Variants in FAF2 observed in about 807,000 individuals in gnomAD.
FAF2 encodes the protein FAS-associated factor 2.
In FAF2, 9 loss-of-function variants were observed where a neutral mutation model predicts 62.3. That is an observed-to-expected ratio of 0.14 (90% CI 0.09 to 0.25). The LOEUF is 0.25. Among genes scored for constraint, FAF2 ranks in the 10% least tolerant of loss-of-function variants. FAF2 has a pLI of 1.00. For missense variants in FAF2, 368 were observed against 556.2 expected (o/e 0.66, Z 3.40); for synonymous variants, 202 against 198.0 (o/e 1.02, Z -0.17).
chr5:176,473,969 A>G (rs1322889062), intron 1 of FAF2, among the ~76,000 whole-genome samples: 1 of 152,216 alleles, frequency 6.6e-6, no homozygotes, highest in African/African-American at 2.4e-5. Flanking sequence ...CCAGTCCTAG[A>G]ATCAGCCACT....
intron 10 of FAF2, among the ~76,000 whole-genome samples, chr5:176,503,632 AT>A (rs1002832681): frequency 5.3e-5 from 8 of 151,934 alleles, no homozygotes; most frequent in Non-Finnish European, 1.0e-4. Context: ...GGAGTGACAG[AT>A]TTGTAGGTAA....
Position 176,460,153 on chromosome 5 carries a change from T to C in FAF2, c.63+11683T>C, listed in dbSNP as rs138241590. Among the ~76,000 whole-genome samples the C allele has an allele frequency of 4.5e-3, 689 of 152,360 alleles. 1 individual carries two copies. Among genetic ancestry groups the C allele is most frequent in the Non-Finnish European group, 6.7e-3 (455 of 68,032 alleles). ...CACTGTTGATGGGCATCTAGGTTGA[T>C]TCCATGTCTTTGCTATCATGAATAA... On this transcript the variant is annotated intron_variant, in intron 1 of 10. Coordinates refer to ENST00000261942, the MANE Select transcript of FAF2 (RefSeq NM_014613.3).
At chr5:176,501,755 CTAACTT>C (rs1053619859) in intron 10 of FAF2, among the ~76,000 whole-genome samples, 22 of 152,068 alleles carry the variant, frequency 1.4e-4, no homozygotes. Context: ...GCTTATGTCT[CTAACTT>C]TGTTTGTTTT....
chr5:176,503,821 G>A (rs1231230576), intron 10 of FAF2, among the ~76,000 whole-genome samples: 2 of 152,110 alleles, frequency 1.3e-5, no homozygotes, highest in Non-Finnish European at 2.9e-5. Context: ...ACCTCTAGTA[G>A]TAATGTAATC....
chr5:176,450,950 A>G (rs1305477345), intron 1 of FAF2, among the ~76,000 whole-genome samples: 1 of 152,212 alleles, frequency 6.6e-6, no homozygotes. Context: ...TCATTTTTCT[A>G]TTCTATAAGC....
chr5:176,451,370 CA>C (rs1049914696), intron 1 of FAF2, among the ~76,000 whole-genome samples: 19 of 150,392 alleles, frequency 1.3e-4, no homozygotes, highest in Admixed American at 5.3e-4. Flanking sequence ...GACTCTGTCT[CA>C]AAAAAAAAAT....
chr5:176,466,977 A>G (rs1213823539), intron 1 of FAF2, among the ~76,000 whole-genome samples: 1 of 152,168 alleles, frequency 6.6e-6, no homozygotes, highest in Admixed American at 6.5e-5. Flanking sequence ...CTGTAATTAA[A>G]TGCAGTGCTC....
At chr5:176,470,835 G>A (rs1758555878) in intron 1 of FAF2, among the ~76,000 whole-genome samples, 2 of 152,324 alleles carry the variant, frequency 1.3e-5, no homozygotes, top group Admixed American at 6.5e-5. Context: ...TTAATGTGAT[G>A]AAATAGTGTT....
chr5:176,499,148 C>T, intron 9 of FAF2, 63 bp downstream of exon 9: 1 of 1,433,642 alleles, frequency 7.0e-7, no homozygotes, highest in East Asian at 2.5e-5. Flanking sequence ...CCATCTTGGT[C>T]TTAAGTGTGA....
Position 176,489,021 on chromosome 5 carries a change from T to C in FAF2, c.338T>C (p.Ile113Thr). ...FRFTYYTILDIFRFALRFIRP... is the reference protein window; with the variant it reads ...FRFTYYTILDTFRFALRFIRP... ...TTTACCTATTACACGATACTTGATATATTTAGGTATGTACCTTTGGATTTA... is the reference window on the plus strand; with the variant it reads ...TTTACCTATTACACGATACTTGATACATTTAGGTATGTACCTTTGGATTTA... Residue 113 changes from isoleucine (I) to threonine (T), a missense_variant, in exon 4 of 11, where the codon ATA becomes ACA. By Grantham distance (89) the Ile-to-Thr change is moderately conservative. Coordinates refer to ENST00000261942, the MANE Select transcript of FAF2 (RefSeq NM_014613.3). The C allele has an allele frequency of 1.2e-6, 2 of 1,611,328 alleles. No individual in the cohort carries two copies. The highest frequency in any genetic ancestry group is 1.1e-5 in the South Asian group (1 of 90,986).
rs1755696894 is a variant in FAF2, at chr5:176,507,069, A to AT, written c.*120dup. The AT allele has an allele frequency of 3.6e-6, 2 of 558,560 alleles. No homozygotes were observed. The highest frequency in any genetic ancestry group is 5.1e-6 in the Non-Finnish European group (2 of 392,488). 34.6% of individuals were successfully genotyped at this position (558,560 alleles called of 1,614,324 possible). A position where few individuals can be genotyped will look rare whatever the true frequency, so the allele number is the denominator to read the frequency against. On this transcript the variant is annotated 3_prime_UTR_variant, in exon 11 of 11. Transcript: ENST00000261942. The stretch of plus-strand genomic sequence containing the variant: ...AGAAATTCATATTATTATTATTATT[A>AT]TAATACAATATTTTTTTTAAAAGAC...
At chr5:176,454,533 G>A (rs55848855) in intron 1 of FAF2, among the ~76,000 whole-genome samples, 10,936 of 138,086 alleles carry the variant, frequency 0.079, 562 homozygotes, top group Middle Eastern at 0.12. Context: ...AGCCAAGATC[G>A]TGCCACTGCA....
At chr5:176,500,220 A>G (rs1460314366) in intron 10 of FAF2, 74 bp downstream of exon 10, 8 of 1,442,936 alleles carry the variant, frequency 5.5e-6, no homozygotes, top group South Asian at 2.4e-5. Flanking sequence ...CTGACTCTTG[A>G]GAGTGGTGTT....
intron 1 of FAF2, among the ~76,000 whole-genome samples, chr5:176,464,584 C>T (rs1758433305): frequency 6.7e-6 from 1 of 149,448 alleles, no homozygotes; most frequent in Non-Finnish European, 1.5e-5. Flanking sequence ...CCTCGACCTC[C>T]CGGACTCAAG....
At chr5:176,462,410 G>A (rs1581469806) in intron 1 of FAF2, among the ~76,000 whole-genome samples, 1 of 151,844 alleles carries the variant, frequency 6.6e-6, no homozygotes, top group Non-Finnish European at 1.5e-5. Flanking sequence ...CAGATCATGA[G>A]GTCAAGAGAT....
chr5:176,491,504 A>C (rs902647832), intron 4 of FAF2, among the ~76,000 whole-genome samples: 1 of 152,184 alleles, frequency 6.6e-6, no homozygotes, highest in African/African-American at 2.4e-5. Context: ...CATAACCGCA[A>C]CTTCAGATTT....
chr5:176,449,178 A>G (rs1038194301), intron 1 of FAF2, among the ~76,000 whole-genome samples: 1 of 152,206 alleles, frequency 6.6e-6, no homozygotes, highest in African/African-American at 2.4e-5. Context: ...TTTGCCACTG[A>G]TCACTTACCC....
At position 176,507,158 on chromosome 5, in the gene FAF2, C is replaced by T. The variant is rs917001288; in HGVS notation, c.*208C>T. The T allele has an allele frequency of 3.9e-5, 14 of 358,950 alleles. No homozygotes were observed. The highest frequency in any genetic ancestry group is 7.6e-5 in the East Asian group (1 of 13,240). The allele number at this position is 358,950 out of a possible 1,614,324, so 22.2% of individuals were successfully genotyped here. A position where few individuals can be genotyped will look rare whatever the true frequency, so the allele number is the denominator to read the frequency against. On this transcript the variant is annotated 3_prime_UTR_variant, in exon 11 of 11. Coordinates refer to ENST00000261942, the MANE Select transcript of FAF2 (RefSeq NM_014613.3). ...GTAAGAGTCACAACCTGTGTGTGCGCGCAAGGTTAGCAACAAACGTACCCG... is the reference window on the plus strand; with the variant it reads ...GTAAGAGTCACAACCTGTGTGTGCGTGCAAGGTTAGCAACAAACGTACCCG...
At chr5:176,456,663 A>G (rs1157735494) in intron 1 of FAF2, among the ~76,000 whole-genome samples, 1 of 152,038 alleles carries the variant, frequency 6.6e-6, no homozygotes, top group Non-Finnish European at 1.5e-5. Context: ...GTCTTCCCCT[A>G]TATATGCCAA....
Sources: gnomAD v4.1 joint callset for allele counts (sites outside exome capture counted in the v4.1 genomes callset) on GRCh38, gnomAD v4.1.1 for gene constraint, MANE v1.5 for transcripts, NCBI Gene and HGNC (gene_info 2026-07-23, HGNC 2026-07-21) for gene names.